WWP1: variants seen among roughly 807,000 people sequenced by gnomAD.
WWP1 encodes the protein WW domain containing E3 ubiquitin protein ligase 1, also known as NEDD4-like E3 ubiquitin-protein ligase WWP1.
A neutral mutation model predicts 130.6 loss-of-function variants in WWP1; 49 were observed. The ratio of observed to expected loss-of-function variants is 0.38; its 90% CI spans 0.30 to 0.48. The LOEUF (loss-of-function observed/expected upper bound fraction) is 0.48, where lower values mean the gene tolerates loss of function less well. Ranked by LOEUF, WWP1 falls within the 20% of genes least tolerant of loss-of-function variation. The pLI is 0.99. For missense variants in WWP1, 809 were observed against 1,100.6 expected, an observed-to-expected ratio of 0.74 and a Z score of 3.75; for synonymous variants, 332 against 367.8, an observed-to-expected ratio of 0.90 and a Z score of 1.11.
In WWP1 at chr8:86,411,670, T is replaced by C. The variant is rs1168726455; in HGVS notation, c.857T>C (p.Ile286Thr). Residue 286 changes from isoleucine (I) to threonine (T), a missense_variant, in exon 9 of 25, where the codon ATA becomes ACA. Coordinates refer to ENST00000517970, the MANE Select transcript of WWP1 (RefSeq NM_007013.4). ...TTVEDPPVQE[I>T]LTSSENNECI... The stretch of plus-strand genomic sequence containing the variant: ...GTTGAAGATCCTCCAGTTCAAGAAA[T>C]ACTGACTTCCTCAGAAAACAATGAA... The C allele has an allele frequency of 6.2e-7, 1 of 1,614,016 alleles. No homozygotes were observed. Among genetic ancestry groups the C allele is most frequent in the African/African-American group, 1.3e-5 (1 of 74,932 alleles).
At position 86,461,794 on chromosome 8, in the gene WWP1, T is replaced by C; in HGVS notation, c.2617T>C (p.Phe873Leu). ...TGTAGGAAGTAATGGGCCTCAAAAG[T>C]TTTGCATTGAAAAAGTTGGCAAAGA... The part of the protein sequence containing the change: ...ELMGSNGPQK[F>L]CIEKVGKDTW... The change falls in exon 24 of 25, where the codon TTT becomes CTT. Residue 873 changes from phenylalanine (F) to leucine (L), a missense_variant. Around this residue, in one of 3 missense-constraint regions of WWP1, gnomAD observed 450 missense variants for 674.2 expected, o/e 0.67. Coordinates refer to ENST00000517970, the MANE Select transcript of WWP1 (RefSeq NM_007013.4). 6.2e-7 allele frequency: 1 copy of C among 1,614,060 alleles called. No individual in the cohort carries two copies. Among genetic ancestry groups the C allele is most frequent in the Non-Finnish European group, 8.5e-7 (1 of 1,179,968 alleles).
In WWP1 at chr8:86,467,069, T is replaced by G; in HGVS notation, c.*176T>G. On this transcript the variant is annotated 3_prime_UTR_variant, in exon 25 of 25. Transcript: ENST00000517970. ...AACAGTTCATCCTTTTCTACTTTAT[T>G]TATTGTTCCCTTGAAATGACTGACC... The G allele has an allele frequency of 5.8e-6, 3 of 516,256 alleles. No homozygotes were observed. The South Asian group carries it at 7.9e-5, about 14-fold the overall frequency. 32.0% of individuals were successfully genotyped at this position (516,256 alleles called of 1,614,324 possible). A position where few individuals can be genotyped will look rare whatever the true frequency, so the allele number is the denominator to read the frequency against.
At chr8:86,372,383 C>A (rs1824368590) in intron 2 of WWP1, among the ~76,000 whole-genome samples, 1 of 152,198 alleles carries the variant, frequency 6.6e-6, no homozygotes, top group Admixed American at 6.5e-5. Context: ...GGGTCTTGAA[C>A]TCCTGACCTC....
chr8:86,431,861 A>G, intron 14 of WWP1, 118 bp downstream of exon 14: 6 of 1,314,924 alleles, frequency 4.6e-6, no homozygotes, highest in Non-Finnish European at 5.3e-6. Flanking sequence ...GAAAACCTAC[A>G]CAAGTGAAAC....
chr8:86,456,843 G>T (rs1255336777), intron 21 of WWP1, among the ~76,000 whole-genome samples: 2 of 151,902 alleles, frequency 1.3e-5, no homozygotes, highest in East Asian at 3.9e-4. Flanking sequence ...AAACAAAAGA[G>T]GATGTGTGTA....
intron 1 of WWP1, among the ~76,000 whole-genome samples, chr8:86,351,583 C>A (rs1282625997): frequency 6.6e-6 from 1 of 151,810 alleles, no homozygotes; most frequent in African/African-American, 2.4e-5. Flanking sequence ...CCTACCTCGA[C>A]CTCCCATAGT....
At chr8:86,428,696 T>C (rs911683847) in intron 11 of WWP1, among the ~76,000 whole-genome samples, 1 of 152,148 alleles carries the variant, frequency 6.6e-6, no homozygotes, top group Non-Finnish European at 1.5e-5. Flanking sequence ...CTAGTTTCCA[T>C]AGCGTTTCCT....
In WWP1 at chr8:86,385,292, G is replaced by GCAGA. The variant is rs562806184; in HGVS notation, c.334+3663_334+3664insCAGA. On this transcript the variant is annotated intron_variant, in intron 5 of 24. Transcript: ENST00000517970. ...TGGAGGGATGTTCTGCAGTGTGTCT[G>GCAGA]TGTTCCTCATCTATTTGCAGAGGAT... Among the ~76,000 whole-genome samples, 22 of 152,274 alleles carry GCAGA rather than the reference G, an allele frequency of 1.4e-4. 1 individual carries two copies. In the South Asian group the frequency reaches 4.6e-3, roughly 32 times the overall value.
chr8:86,400,927 G>A (rs920624703), intron 7 of WWP1, among the ~76,000 whole-genome samples: 2 of 151,898 alleles, frequency 1.3e-5, no homozygotes, highest in East Asian at 3.9e-4. Flanking sequence ...GCTCTGTGGA[G>A]AGCAGTTATG....
At position 86,462,978 on chromosome 8, in the gene WWP1, T is replaced by C. The variant is rs543125805; in HGVS notation, c.2669+1132T>C. Reference sequence around the variant, plus strand: ...ATCTTGATGCTTGAGTATATGTTTTTTTAACATTTGTGTGACAAAATAGGA... The same window carrying C: ...ATCTTGATGCTTGAGTATATGTTTTCTTAACATTTGTGTGACAAAATAGGA... On this transcript the variant is annotated intron_variant, in intron 24 of 24. Coordinates refer to ENST00000517970, the MANE Select transcript of WWP1 (RefSeq NM_007013.4). 1.4e-4 allele frequency among the ~76,000 whole-genome samples: 21 copies of C among 152,330 alleles called. No individual in the cohort carries two copies. In the South Asian group the frequency reaches 3.7e-3, roughly 27 times the overall value.
rs565818678 is a variant in WWP1, at chr8:86,377,619, A to G, written c.71-3107A>G. Among the ~76,000 whole-genome samples the G allele has an allele frequency of 7.2e-5, 11 of 152,226 alleles. No individual in the cohort carries two copies. The East Asian group carries it at 2.1e-3, about 29-fold the overall frequency. On this transcript the variant is annotated intron_variant, in intron 3 of 24. Transcript: ENST00000517970. ...TTGATCATGGAACGCGGAAAAACTG[A>G]TGGAAAAAATCAAACAGAAAACTAC...
At chr8:86,422,839 G>A (rs1262733741) in intron 9 of WWP1, among the ~76,000 whole-genome samples, 1 of 152,060 alleles carries the variant, frequency 6.6e-6, no homozygotes. Context: ...TAAATTCAGA[G>A]ACCTACCAAA....
At chr8:86,436,697 A>G (rs762881388) in intron 16 of WWP1, among the ~76,000 whole-genome samples, 3 of 152,248 alleles carry the variant, frequency 2.0e-5, no homozygotes, top group Admixed American at 6.5e-5. Flanking sequence ...TTAAGGATAA[A>G]TAATCCAAAT....
intron 16 of WWP1, among the ~76,000 whole-genome samples, chr8:86,437,959 C>T (rs954041727): frequency 6.6e-6 from 1 of 152,102 alleles, no homozygotes; most frequent in African/African-American, 2.4e-5. Flanking sequence ...ACCACCACGC[C>T]TGGCTAACTT....
At chr8:86,356,813 A>G (rs991380222) in intron 1 of WWP1, among the ~76,000 whole-genome samples, 1 of 152,116 alleles carries the variant, frequency 6.6e-6, no homozygotes, top group Non-Finnish European at 1.5e-5. Context: ...GGTGTAATCT[A>G]TTTTAATATT....
At chr8:86,343,550 C>CT (rs1024339014) in intron 1 of WWP1, among the ~76,000 whole-genome samples, 2 of 151,172 alleles carry the variant, frequency 1.3e-5, no homozygotes, top group Admixed American at 6.6e-5. Context: ...TCTTCGTGTT[C>CT]TTTTTTTAAA....
At chr8:86,463,651 A>G (rs1438092205) in intron 24 of WWP1, among the ~76,000 whole-genome samples, 1 of 152,106 alleles carries the variant, frequency 6.6e-6, no homozygotes, top group Non-Finnish European at 1.5e-5. Flanking sequence ...CTATTATATA[A>G]TTAAATGTGT....
intron 5 of WWP1, 112 bp downstream of exon 5, chr8:86,381,741 T>C: frequency 9.3e-7 from 1 of 1,080,778 alleles, no homozygotes; most frequent in Non-Finnish European, 1.2e-6. Flanking sequence ...AGAACTTCAG[T>C]TATTGCTTGT....
chr8:86,398,734 C>G, intron 7 of WWP1, 96 bp downstream of exon 7: 1 of 1,367,190 alleles, frequency 7.3e-7, no homozygotes, highest in Non-Finnish European at 1.0e-6. Context: ...GAATTTGCCA[C>G]ACAGTTTAGA....
Sources: gnomAD v4.1 joint callset for allele counts (sites outside exome capture counted in the v4.1 genomes callset) on GRCh38, gnomAD v4.1.1 for gene constraint, gnomAD v4.1.1 regional missense constraint, MANE v1.5 for transcripts, NCBI Gene and HGNC (gene_info 2026-07-23, HGNC 2026-07-21) for gene names.